OPA1: variants seen among roughly 807,000 people sequenced by gnomAD.
The protein encoded by OPA1 is OPA1 mitochondrial dynamin like GTPase, also known as dynamin-like GTPase OPA1, mitochondrial.
OPA1 carries 59 observed loss-of-function variants against 152.9 expected under a neutral mutation model. The ratio of observed to expected loss-of-function variants is 0.39; its 90% CI spans 0.31 to 0.48. OPA1 has a LOEUF of 0.48. OPA1 is among the 20% of genes least tolerant of loss of function. The pLI is 0.96. For missense variants in OPA1, 1,008 were observed against 1,216.8 expected (o/e 0.83, Z 2.55); for synonymous variants, 400 against 389.9 (o/e 1.03, Z -0.31).
intron 3 of OPA1, among the ~76,000 whole-genome samples, chr3:193,616,691 G>C (rs762238711): frequency 6.6e-6 from 1 of 152,108 alleles, no homozygotes; most frequent in African/African-American, 2.4e-5. Context: ...ATATTGGATC[G>C]CTATGATTGC....
At chr3:193,676,711 T>G (rs560529161) in intron 29 of OPA1, among the ~76,000 whole-genome samples, 1 of 152,124 alleles carries the variant, frequency 6.6e-6, no homozygotes, top group African/African-American at 2.4e-5. Flanking sequence ...CCGGGTGTGG[T>G]GGCTCACGCC....
At chr3:193,670,238 A>G (rs1268444179) in intron 29 of OPA1, among the ~76,000 whole-genome samples, 2 of 152,214 alleles carry the variant, frequency 1.3e-5, no homozygotes, top group Admixed American at 6.5e-5. Context: ...TTGGATTTGG[A>G]GAAAGGGAGG....
chr3:193,690,028 A>G (rs1174146731), intron 29 of OPA1, among the ~76,000 whole-genome samples: 3 of 151,028 alleles, frequency 2.0e-5, no homozygotes, highest in Non-Finnish European at 3.0e-5. Context: ...AAAAAAAAAA[A>G]TAGGTTAAGC....
chr3:193,611,596 C>CA (rs35159597), intron 1 of OPA1, among the ~76,000 whole-genome samples: 796 of 68,050 alleles, frequency 0.012, 6 homozygotes, highest in East Asian at 0.014. Flanking sequence ...GACTCCACCT[C>CA]AAAAAAAAAA....
intron 29 of OPA1, among the ~76,000 whole-genome samples, chr3:193,687,024 G>C (rs192870054): frequency 2.2e-3 from 328 of 152,332 alleles, no homozygotes; most frequent in Non-Finnish European, 4.1e-3. Flanking sequence ...AACCACTGAA[G>C]TGAACCTTCT....
At chr3:193,656,626 A>G (rs1157324114) in intron 22 of OPA1, among the ~76,000 whole-genome samples, 1 of 152,206 alleles carries the variant, frequency 6.6e-6, no homozygotes, top group Non-Finnish European at 1.5e-5. Context: ...AGTCAGACTC[A>G]TGTCTTAGAG....
At chr3:193,618,037 A>C (rs909163753) in intron 5 of OPA1, among the ~76,000 whole-genome samples, 200 bp downstream of exon 5, 5 of 152,216 alleles carry the variant, frequency 3.3e-5, no homozygotes, top group African/African-American at 1.2e-4. Flanking sequence ...AAAATTCTTA[A>C]ATATGTATGT....
chr3:193,599,545 A>T (rs914438332), intron 1 of OPA1, among the ~76,000 whole-genome samples: 13 of 152,008 alleles, frequency 8.6e-5, no homozygotes, highest in African/African-American at 3.1e-4. Context: ...AGTGGCAGGG[A>T]GTCCAAAATG....
At chr3:193,599,400 C>CT (rs199759463) in intron 1 of OPA1, among the ~76,000 whole-genome samples, 2,158 of 141,720 alleles carry the variant, frequency 0.015, 29 homozygotes, top group African/African-American at 0.034. Context: ...CTTTTTTATT[C>CT]TTTTTTTTTT....
chr3:193,612,649 G>C (rs938086742), intron 1 of OPA1, among the ~76,000 whole-genome samples: 44 of 152,076 alleles, frequency 2.9e-4, no homozygotes, highest in African/African-American at 1.0e-3. Flanking sequence ...CTTTAGTGAG[G>C]TTAACCCATT....
chr3:193,676,703 G>A (rs943423442), intron 29 of OPA1, among the ~76,000 whole-genome samples: 9 of 152,118 alleles, frequency 5.9e-5, no homozygotes, highest in African/African-American at 1.2e-4. Context: ...CGTTGTGGCC[G>A]GGTGTGGTGG....
At chr3:193,605,901 G>T (rs1157476797) in intron 1 of OPA1, among the ~76,000 whole-genome samples, 1 of 152,192 alleles carries the variant, frequency 6.6e-6, no homozygotes, top group Admixed American at 6.5e-5. Flanking sequence ...GCTTATTAAG[G>T]TGGGGTTTAT....
intron 1 of OPA1, among the ~76,000 whole-genome samples, chr3:193,612,624 T>A (rs1728427992): frequency 6.6e-6 from 1 of 152,212 alleles, no homozygotes; most frequent in Admixed American, 6.5e-5. Flanking sequence ...TGTGGCCATT[T>A]TAATTCTAAG....
rs1487143516 is a variant in OPA1, at chr3:193,684,840, T to C, written c.2984-7223T>C. On this transcript the variant is annotated intron_variant, in intron 29 of 30. Coordinates refer to ENST00000361510, the MANE Select transcript of OPA1 (RefSeq NM_130837.3). The stretch of plus-strand genomic sequence containing the variant: ...CCATCCACTTAAGAAAGTTGAGTGG[T>C]CTAACAAGTATAAAAGCCTAAATAT... 7.7e-4 allele frequency among the ~76,000 whole-genome samples: 118 copies of C among 152,272 alleles called. 1 individual carries two copies. Among genetic ancestry groups the C allele is most frequent in the African/African-American group, 2.7e-3 (114 of 41,556 alleles).
chr3:193,642,707 T>C, intron 11 of OPA1, 58 bp from the exon 12 acceptor site: 1 of 1,274,280 alleles, frequency 7.8e-7, no homozygotes, highest in South Asian at 1.2e-5. Flanking sequence ...ATACGGGCTG[T>C]GGGAATTAAT....
chr3:193,690,423 G>T (rs1721527860), intron 29 of OPA1, among the ~76,000 whole-genome samples: 1 of 150,560 alleles, frequency 6.6e-6, no homozygotes, highest in South Asian at 2.1e-4. Flanking sequence ...CTACTCAGGA[G>T]GCTGAGGCAG....
intron 26 of OPA1, among the ~76,000 whole-genome samples, chr3:193,663,407 G>T (rs1403037690): frequency 6.6e-6 from 1 of 151,986 alleles, no homozygotes; most frequent in Admixed American, 6.6e-5. Context: ...TTATTAAATT[G>T]GATATGACCA....
In OPA1 at chr3:193,645,743, G is replaced by A. The variant is rs745723164; in HGVS notation, c.1697G>A (p.Ser566Asn). ...VVTGKGNSSE[S>N]IEAIREYEEE... ...TCTTCCCCAGGGAACAGCTCTGAAAGCATTGAAGCTATAAGAGAATATGAA... is the reference window on the plus strand; with the variant it reads ...TCTTCCCCAGGGAACAGCTCTGAAAACATTGAAGCTATAAGAGAATATGAA... Residue 566 changes from serine to asparagine, a missense_variant, in exon 18 of 31, where the codon AGC becomes AAC. Physicochemically the swap from Ser to Asn is conservative, Grantham distance 46. Transcript: ENST00000361510. The A allele has an allele frequency of 1.2e-6, 2 of 1,613,520 alleles. No individual in the cohort carries two copies. The highest frequency in any genetic ancestry group is 2.2e-5 in the East Asian group (1 of 44,772).
At chr3:193,676,940 C>G (rs1477455799) in intron 29 of OPA1, among the ~76,000 whole-genome samples, 4 of 141,802 alleles carry the variant, frequency 2.8e-5, no homozygotes, top group South Asian at 4.5e-4. Flanking sequence ...GAGATCGCGC[C>G]ACTGCACTCC....
Sources: gnomAD v4.1 joint callset for allele counts (sites outside exome capture counted in the v4.1 genomes callset) on GRCh38, gnomAD v4.1.1 for gene constraint, MANE v1.5 for transcripts, NCBI Gene and HGNC (gene_info 2026-07-23, HGNC 2026-07-21) for gene names.